Variants in SPAG16 observed in about 807,000 individuals in gnomAD.
SPAG16 encodes the protein sperm-associated antigen 16 protein.
A neutral mutation model predicts 80.4 loss-of-function variants in SPAG16; 86 were observed. The observed-to-expected ratio is 1.07, with a 90% CI of 0.90 to 1.28. The LOEUF is 1.28. Ranked by LOEUF, SPAG16 falls within the 50% of genes most tolerant of loss-of-function variation. The pLI is 0.00. For synonymous variants in SPAG16, 294 were observed against 265.9 expected, an observed-to-expected ratio of 1.11 and a Z score of -1.03; for missense variants, 870 against 765.3, an observed-to-expected ratio of 1.14 and a Z score of -1.61.
At chr2:213,388,426 C>G (rs1018361787) in intron 9 of SPAG16, among the ~76,000 whole-genome samples, 23 of 152,150 alleles carry the variant, frequency 1.5e-4, no homozygotes, top group African/African-American at 5.6e-4. Flanking sequence ...ACATTAAAGT[C>G]TATGACATTC....
intron 10 of SPAG16, among the ~76,000 whole-genome samples, chr2:213,544,216 T>G (rs1450926777): frequency 6.6e-6 from 1 of 152,098 alleles, no homozygotes; most frequent in Non-Finnish European, 1.5e-5. Context: ...TAAATTGGCA[T>G]TTTAATTTTA....
intron 10 of SPAG16, among the ~76,000 whole-genome samples, chr2:213,554,960 C>T (rs555938873): frequency 2.6e-5 from 4 of 151,584 alleles, no homozygotes; most frequent in African/African-American, 7.2e-5. Flanking sequence ...TTTCCAAACC[C>T]GAGAAAGATA....
At chr2:213,648,855 G>A (rs1032701938) in intron 10 of SPAG16, among the ~76,000 whole-genome samples, 7 of 152,222 alleles carry the variant, frequency 4.6e-5, no homozygotes, top group Non-Finnish European at 7.4e-5. Context: ...TGGGCATTCT[G>A]GTTGACACAG....
intron 10 of SPAG16, among the ~76,000 whole-genome samples, chr2:213,690,630 G>A (rs1160811752): frequency 6.6e-6 from 1 of 152,178 alleles, no homozygotes; most frequent in African/African-American, 2.4e-5. Flanking sequence ...CAATGTGGGT[G>A]GCACCAACCA....
intron 10 of SPAG16, among the ~76,000 whole-genome samples, chr2:213,541,700 A>G (rs914599927): frequency 6.6e-6 from 1 of 152,214 alleles, no homozygotes; most frequent in Non-Finnish European, 1.5e-5. Flanking sequence ...ATGTATAATA[A>G]ACATAAAGAA....
At chr2:213,789,693 T>C (rs528751747) in intron 10 of SPAG16, among the ~76,000 whole-genome samples, 2 of 152,068 alleles carry the variant, frequency 1.3e-5, no homozygotes, top group South Asian at 2.1e-4. Context: ...TCCCTGGTTT[T>C]CTTGTATCTC....
At chr2:213,536,039 G>C (rs1193287430) in intron 10 of SPAG16, among the ~76,000 whole-genome samples, 4 of 152,108 alleles carry the variant, frequency 2.6e-5, no homozygotes, top group African/African-American at 9.7e-5. Context: ...AGAGGTATGT[G>C]AGTGTGTGTG....
intron 15 of SPAG16, among the ~76,000 whole-genome samples, chr2:214,346,377 C>T (rs1302700529): frequency 1.3e-5 from 2 of 152,230 alleles, no homozygotes; most frequent in South Asian, 2.1e-4. Flanking sequence ...TTGGTATTCT[C>T]TATTATGAAG....
chr2:213,674,531 C>G lies in SPAG16; in HGVS notation c.1070+184441C>G, dbSNP rs903949767. On this transcript the variant is annotated intron_variant, in intron 10 of 15. Transcript: ENST00000331683. Reference sequence around the variant, plus strand: ...GTATATCTCCCAATGCTATCCCTCCCCCTTTCCCCCACCCCACAACAGTCC... The same window carrying G: ...GTATATCTCCCAATGCTATCCCTCCGCCTTTCCCCCACCCCACAACAGTCC... 6.7e-5 allele frequency among the ~76,000 whole-genome samples: 10 copies of G among 149,924 alleles called. 2 individuals carry two copies. Among genetic ancestry groups the G allele is most frequent in the African/African-American group, 2.5e-4 (10 of 39,300 alleles).
At chr2:213,729,102 A>G (rs907723962) in intron 10 of SPAG16, among the ~76,000 whole-genome samples, 5 of 152,190 alleles carry the variant, frequency 3.3e-5, no homozygotes, top group Admixed American at 3.3e-4. Flanking sequence ...TCTACAAAAG[A>G]TTTCTTGCAA....
chr2:214,209,977 T>A (rs188602640), intron 15 of SPAG16, among the ~76,000 whole-genome samples: 1 of 152,112 alleles, frequency 6.6e-6, no homozygotes, highest in African/African-American at 2.4e-5. Flanking sequence ...CCAAGAAAAA[T>A]GGAGAATTTA....
chr2:213,953,572 T>C (rs1052790090), intron 12 of SPAG16, among the ~76,000 whole-genome samples: 1 of 151,606 alleles, frequency 6.6e-6, no homozygotes, highest in Non-Finnish European at 1.5e-5. Flanking sequence ...AATTTGGAAA[T>C]TTTTAAAAAA....
chr2:213,656,170 T>G (rs973628911), intron 10 of SPAG16, among the ~76,000 whole-genome samples: 1 of 152,238 alleles, frequency 6.6e-6, no homozygotes, highest in Non-Finnish European at 1.5e-5. Flanking sequence ...CCTGCTATTA[T>G]GCACAAGTAT....
At position 214,355,060 on chromosome 2, in the gene SPAG16, T is replaced by C. The variant is rs190620601; in HGVS notation, c.1721-55080T>C. ...GACTTAAATGTTAGACCTAAAACCATAAAAACCCTAGAAGAAAACCTACGC... is the reference window on the plus strand; with the variant it reads ...GACTTAAATGTTAGACCTAAAACCACAAAAACCCTAGAAGAAAACCTACGC... On this transcript the variant is annotated intron_variant, in intron 15 of 15. Transcript: ENST00000331683. Among the ~76,000 whole-genome samples the C allele has an allele frequency of 5.9e-3, 899 of 152,054 alleles. 15 individuals carry two copies. Among genetic ancestry groups the C allele is most frequent in the African/African-American group, 0.021 (852 of 41,500 alleles).
At chr2:213,620,026 C>T (rs1024290191) in intron 10 of SPAG16, among the ~76,000 whole-genome samples, 4 of 151,810 alleles carry the variant, frequency 2.6e-5, no homozygotes, top group East Asian at 3.9e-4. Context: ...AAGGATGAAC[C>T]GGAAGACATT....
chr2:214,310,250 T>C (rs1695200854), intron 15 of SPAG16, among the ~76,000 whole-genome samples: 1 of 152,086 alleles, frequency 6.6e-6, no homozygotes, highest in Non-Finnish European at 1.5e-5. Flanking sequence ...GTAGTACATA[T>C]TTTGTATGAT....
At chr2:214,066,543 T>C (rs190141141) in intron 13 of SPAG16, among the ~76,000 whole-genome samples, 1 of 152,302 alleles carries the variant, frequency 6.6e-6, no homozygotes, top group Admixed American at 6.5e-5. Context: ...TCCTTATTGG[T>C]TTCAAACTCT....
intron 3 of SPAG16, among the ~76,000 whole-genome samples, chr2:213,307,668 C>A (rs1445826502): frequency 2.0e-5 from 3 of 151,940 alleles, no homozygotes; most frequent in Non-Finnish European, 4.4e-5. Context: ...ATAAACATAG[C>A]AGCATGATTT....
chr2:214,325,170 CA>C (rs1345656993), intron 15 of SPAG16, among the ~76,000 whole-genome samples: 1 of 152,182 alleles, frequency 6.6e-6, no homozygotes, highest in Non-Finnish European at 1.5e-5. Flanking sequence ...TGCCGTGGCT[CA>C]ACCCTTTGTA....
Sources: gnomAD v4.1 joint callset for allele counts (sites outside exome capture counted in the v4.1 genomes callset) on GRCh38, gnomAD v4.1.1 for gene constraint, MANE v1.5 for transcripts, NCBI Gene and HGNC (gene_info 2026-07-23, HGNC 2026-07-21) for gene names.